Variants in LRRC4C observed in about 807,000 individuals in gnomAD.
The protein encoded by LRRC4C is leucine-rich repeat-containing protein 4C.
A neutral mutation model predicts 33.6 loss-of-function variants in LRRC4C; 5 were observed. The observed-to-expected ratio is 0.15, with a 90% CI of 0.08 to 0.31. The LOEUF (loss-of-function observed/expected upper bound fraction) is 0.31, where lower values mean the gene tolerates loss of function less well. Ranked by LOEUF, LRRC4C falls within the 10% of genes least tolerant of loss-of-function variation. LRRC4C has a pLI of 1.00. For synonymous variants in LRRC4C, 329 were observed against 302.0 expected, an observed-to-expected ratio of 1.09 and a Z score of -0.93; for missense variants, 560 against 796.7, an observed-to-expected ratio of 0.70 and a Z score of 3.58.
intron 4 of LRRC4C, among the ~76,000 whole-genome samples, chr11:40,303,122 C>T (rs766713880): frequency 3.3e-5 from 5 of 151,950 alleles, no homozygotes; most frequent in Non-Finnish European, 5.9e-5. Flanking sequence ...AAAGTTATCC[C>T]AGAGGCAGTA....
chr11:41,254,168 T>C (rs1363977405), intron 1 of LRRC4C, among the ~76,000 whole-genome samples: 1 of 152,046 alleles, frequency 6.6e-6, no homozygotes. Flanking sequence ...GACAGCAACT[T>C]CATGGATTTG....
At chr11:40,833,691 T>C (rs1046118063) in intron 2 of LRRC4C, among the ~76,000 whole-genome samples, 3 of 152,158 alleles carry the variant, frequency 2.0e-5, no homozygotes, top group African/African-American at 7.2e-5. Flanking sequence ...AAATAGGAAA[T>C]ATTTTAAATT....
At chr11:41,146,770 TA>T (rs1455922680) in intron 1 of LRRC4C, among the ~76,000 whole-genome samples, 1 of 152,096 alleles carries the variant, frequency 6.6e-6, no homozygotes, top group Non-Finnish European at 1.5e-5. Context: ...ATAAAACAAA[TA>T]AAAAAATACA....
At chr11:41,295,957 A>T (rs1167735491) in intron 1 of LRRC4C, among the ~76,000 whole-genome samples, 1 of 152,210 alleles carries the variant, frequency 6.6e-6, no homozygotes, top group Non-Finnish European at 1.5e-5. Flanking sequence ...TATCTCCCAG[A>T]ACTTACTCTC....
intron 2 of LRRC4C, among the ~76,000 whole-genome samples, chr11:40,680,493 G>A (rs1197330525): frequency 3.3e-5 from 5 of 152,178 alleles, no homozygotes; most frequent in Non-Finnish European, 7.3e-5. Flanking sequence ...CCTGTTGTTC[G>A]AGGGACCCAG....
Position 40,741,553 on chromosome 11 carries a change from C to A in LRRC4C, c.-406-93275G>T, listed in dbSNP as rs1948157865. On this transcript the variant is annotated intron_variant, in intron 2 of 6. Coordinates refer to ENST00000528697, the MANE Select transcript of LRRC4C (RefSeq NM_001258419.2). ...TTTCTGATGGTACAGTAGACACATG[C>A]CTCCCTAACTTTTCCATTTATGCAA... 4.6e-5 allele frequency among the ~76,000 whole-genome samples: 7 copies of A among 152,098 alleles called. 1 individual carries two copies. In the South Asian group the frequency reaches 1.4e-3, roughly 32 times the overall value.
intron 1 of LRRC4C, among the ~76,000 whole-genome samples, chr11:40,991,148 T>A (rs1853525456): frequency 8.7e-6 from 1 of 114,372 alleles, no homozygotes. Flanking sequence ...AAGCAAAAAA[T>A]CAGAATTGTG....
chr11:41,140,909 A>T (rs912573081), intron 1 of LRRC4C, among the ~76,000 whole-genome samples: 12 of 152,184 alleles, frequency 7.9e-5, no homozygotes, highest in Non-Finnish European at 1.8e-4. Flanking sequence ...GAAGATGGAC[A>T]AGTGGTATAG....
chr11:41,251,740 C>G (rs988695543), intron 1 of LRRC4C, among the ~76,000 whole-genome samples: 5 of 152,066 alleles, frequency 3.3e-5, no homozygotes, highest in Admixed American at 6.6e-5. Context: ...ATTTTCATGG[C>G]CTTCATATTA....
chr11:41,065,944 A>G (rs186002614), intron 1 of LRRC4C, among the ~76,000 whole-genome samples: 1 of 152,354 alleles, frequency 6.6e-6, no homozygotes, highest in East Asian at 1.9e-4. Context: ...GGATAAATCC[A>G]CAAAGATGAG....
At chr11:40,749,851 GA>G (rs2136976014) in intron 2 of LRRC4C, among the ~76,000 whole-genome samples, 1 of 151,906 alleles carries the variant, frequency 6.6e-6, no homozygotes, top group East Asian at 1.9e-4. Context: ...AGACAATTAT[GA>G]ACAAATATAT....
At chr11:40,408,428 A>G (rs1950038196) in intron 3 of LRRC4C, among the ~76,000 whole-genome samples, 1 of 151,856 alleles carries the variant, frequency 6.6e-6, no homozygotes, top group Admixed American at 6.6e-5. Context: ...GACCAACTTT[A>G]TCTTTTTTTT....
intron 3 of LRRC4C, among the ~76,000 whole-genome samples, chr11:40,564,970 G>A (rs933172905): frequency 1.3e-5 from 2 of 152,134 alleles, no homozygotes; most frequent in South Asian, 2.1e-4. Flanking sequence ...CCTGAGACAC[G>A]TATAATTTCT....
chr11:40,595,849 G>T (rs937699589), intron 3 of LRRC4C, among the ~76,000 whole-genome samples: 1 of 152,112 alleles, frequency 6.6e-6, no homozygotes, highest in Admixed American at 6.6e-5. Flanking sequence ...GAGAAGAAAA[G>T]CATATTTCTC....
chr11:41,423,842 G>C (rs1954949845), intron 1 of LRRC4C: 1 of 152,026 alleles, frequency 6.6e-6, no homozygotes, highest in African/African-American at 2.4e-5. Context: ...GTCAGCCACA[G>C]ATAGGGTCTC....
At chr11:40,446,772 T>G (rs1328120676) in intron 3 of LRRC4C, 2 of 152,082 alleles carry the variant, frequency 1.3e-5, no homozygotes, top group Non-Finnish European at 2.9e-5. Flanking sequence ...AGGAAGAACT[T>G]GCCAAACACT....
chr11:40,834,911 G>GACACACACACACACAC (rs10682975), intron 2 of LRRC4C, among the ~76,000 whole-genome samples: 61 of 84,918 alleles, frequency 7.2e-4, no homozygotes, highest in Middle Eastern at 6.3e-3. Flanking sequence ...CAGACAGACA[G>GACACACACACACACAC]ACACACACAC....
In LRRC4C at chr11:40,814,602, A is replaced by T. The variant is rs188166194; in HGVS notation, c.-407+119033T>A. Among the ~76,000 whole-genome samples the T allele has an allele frequency of 1.5e-3, 227 of 151,946 alleles. 2 individuals are homozygous for T. Among genetic ancestry groups the T allele is most frequent in the African/African-American group, 5.4e-3 (223 of 41,462 alleles). ...GCAGCAGGCTTGAATTTCTCCCCAG[A>T]AAATGGGTTTTTTCTTTTCTATTGC... On this transcript the variant is annotated intron_variant, in intron 2 of 6. Transcript: ENST00000528697.
chr11:40,957,269 C>T (rs200155545), intron 1 of LRRC4C, among the ~76,000 whole-genome samples: 8 of 151,664 alleles, frequency 5.3e-5, no homozygotes, highest in African/African-American at 7.3e-5. Flanking sequence ...AGGTGCAAGT[C>T]GCTTAGCAAT....
Sources: gnomAD v4.1 joint callset for allele counts (sites outside exome capture counted in the v4.1 genomes callset) on GRCh38, gnomAD v4.1.1 for gene constraint, MANE v1.5 for transcripts, NCBI Gene and HGNC (gene_info 2026-07-23, HGNC 2026-07-21) for gene names.